The following LINGO2 variants were observed in gnomAD, a reference collection of about 807,000 sequenced individuals.
LINGO2 encodes leucine-rich repeat and immunoglobulin-like domain-containing nogo receptor-interacting protein 2.
A neutral mutation model predicts 30.6 loss-of-function variants in LINGO2; 14 were observed. That is an observed-to-expected ratio of 0.46 (90% CI 0.30 to 0.72). The LOEUF (loss-of-function observed/expected upper bound fraction) is 0.72. Among genes scored for constraint, LINGO2 ranks in the 30% least tolerant of loss-of-function variants. The pLI, the probability that LINGO2 is intolerant of heterozygous loss-of-function variation, is 0.07. For synonymous variants in LINGO2, 317 were observed against 288.5 expected (o/e 1.10, Z -1.00); for missense variants, 729 against 751.7 (o/e 0.97, Z 0.35).
intron 4 of LINGO2, among the ~76,000 whole-genome samples, chr9:28,285,714 C>A (rs1823484115): frequency 6.6e-6 from 1 of 152,070 alleles, no homozygotes; most frequent in Admixed American, 6.5e-5. Flanking sequence ...TGCCCAAGAT[C>A]ATTAATTAGT....
Position 28,360,189 on chromosome 9 carries a change from A to T in LINGO2, c.-246+12647T>A, listed in dbSNP as rs559801979. On this transcript the variant is annotated intron_variant, in intron 3 of 5. Transcript: ENST00000379992. ...CATATAATGTATTATTTTATTAAGT[A>T]AGGCAGTGTTTTTGTTAAAATGAGA... Among the ~76,000 whole-genome samples, 23 of 152,330 alleles carry T rather than the reference A, an allele frequency of 1.5e-4. No homozygotes were observed. In the South Asian group the frequency reaches 4.3e-3, roughly 29 times the overall value.
chr9:28,450,135 C>T (rs559091776), intron 2 of LINGO2, among the ~76,000 whole-genome samples: 5 of 152,084 alleles, frequency 3.3e-5, no homozygotes, highest in South Asian at 4.1e-4. Flanking sequence ...ACACTTTGAA[C>T]ATTGTTCTTT....
intron 4 of LINGO2, among the ~76,000 whole-genome samples, chr9:28,282,052 A>G: frequency 6.6e-6 from 1 of 152,160 alleles, no homozygotes; most frequent in Non-Finnish European, 1.5e-5. Flanking sequence ...AATCTCACAA[A>G]GCATGCCAGA....
At chr9:27,976,325 A>G (rs1820593001) in intron 5 of LINGO2, among the ~76,000 whole-genome samples, 1 of 151,964 alleles carries the variant, frequency 6.6e-6, no homozygotes, top group African/African-American at 2.4e-5. Flanking sequence ...GGGGCCCCCA[A>G]AATCTGTGTT....
chr9:28,224,310 C>T (rs957726486), intron 4 of LINGO2, among the ~76,000 whole-genome samples: 4 of 152,136 alleles, frequency 2.6e-5, no homozygotes, highest in Admixed American at 6.5e-5. Flanking sequence ...GTGATTTGCC[C>T]GCCTCGGCCT....
At chr9:28,199,321 A>ATCTTCT (rs547009763) in intron 4 of LINGO2, among the ~76,000 whole-genome samples, 2,066 of 138,796 alleles carry the variant, frequency 0.015, 113 homozygotes, top group Non-Finnish European at 0.018. Flanking sequence ...ACTACGGGCT[A>ATCTTCT]TCTTCTTCTT....
At chr9:28,954,433 T>C in the LINGO2 span, among the ~76,000 whole-genome samples, 2 of 152,122 alleles carry the variant, frequency 1.3e-5, no homozygotes, top group African/African-American at 4.8e-5. Context: ...AAATAATGCA[T>C]ACTACTTCAT....
chr9:28,884,494 A>T, the LINGO2 span, among the ~76,000 whole-genome samples: 1 of 152,078 alleles, frequency 6.6e-6, no homozygotes, highest in African/African-American at 2.4e-5. Flanking sequence ...AAATGTAAAA[A>T]ATAATTATCT....
At chr9:29,155,491 G>A in the LINGO2 span, among the ~76,000 whole-genome samples, 1 of 150,656 alleles carries the variant, frequency 6.6e-6, no homozygotes, top group African/African-American at 2.4e-5. Flanking sequence ...TCAGAGTTTA[G>A]CAGAAATAAA....
chr9:29,006,811 C>T, the LINGO2 span, among the ~76,000 whole-genome samples: 12 of 151,962 alleles, frequency 7.9e-5, no homozygotes, highest in African/African-American at 1.4e-4. Flanking sequence ...GCTAAGTGAA[C>T]GAAAAATCTC....
At chr9:28,734,214 A>T in the LINGO2 span, among the ~76,000 whole-genome samples, 1 of 152,204 alleles carries the variant, frequency 6.6e-6, no homozygotes, top group Non-Finnish European at 1.5e-5. Flanking sequence ...ATACCACGAC[A>T]GTCAAGCTGA....
chr9:28,890,021 T>C, the LINGO2 span, among the ~76,000 whole-genome samples: 7 of 152,176 alleles, frequency 4.6e-5, no homozygotes, highest in Non-Finnish European at 7.4e-5. Context: ...TCCATAAAGG[T>C]TCCCAGCTGG....
chr9:28,213,007 C>T (rs1174802367), intron 4 of LINGO2, among the ~76,000 whole-genome samples: 2 of 151,538 alleles, frequency 1.3e-5, no homozygotes, highest in Non-Finnish European at 1.5e-5. Context: ...ACCAAATATA[C>T]AGAGAACTAA....
chr9:28,688,985 C>T, the LINGO2 span, among the ~76,000 whole-genome samples: 2 of 152,260 alleles, frequency 1.3e-5, no homozygotes, highest in Non-Finnish European at 2.9e-5. Flanking sequence ...TTGCAAAATC[C>T]GTTTCCCTTG....
chr9:28,829,395 C>G, the LINGO2 span, among the ~76,000 whole-genome samples: 1 of 152,186 alleles, frequency 6.6e-6, no homozygotes, highest in East Asian at 1.9e-4. Flanking sequence ...CACTGATCCT[C>G]TGCCCTCGCA....
intron 1 of LINGO2, among the ~76,000 whole-genome samples, chr9:28,585,150 G>GT (rs1292615966): frequency 2.6e-5 from 4 of 151,950 alleles, no homozygotes; most frequent in Non-Finnish European, 4.4e-5. Context: ...TGACAATAGT[G>GT]TTTTTTATTA....
chr9:27,977,522 C>T (rs1243660981), intron 5 of LINGO2, among the ~76,000 whole-genome samples: 1 of 151,908 alleles, frequency 6.6e-6, no homozygotes, highest in East Asian at 1.9e-4. Flanking sequence ...ATAATCTATT[C>T]AGAAGCATCT....
chr9:28,370,311 T>G (rs1159187422), intron 3 of LINGO2, among the ~76,000 whole-genome samples: 1 of 152,168 alleles, frequency 6.6e-6, no homozygotes, highest in East Asian at 1.9e-4. Context: ...AAGTGATTTC[T>G]TTTGACCACC....
chr9:29,131,106 T>C, the LINGO2 span, among the ~76,000 whole-genome samples: 1 of 152,208 alleles, frequency 6.6e-6, no homozygotes, highest in South Asian at 2.1e-4. Context: ...AATTGCTTTA[T>C]TCTAAATGGA....
Sources: allele counts gnomAD v4.1 joint callset (sites outside exome capture counted in the v4.1 genomes callset), GRCh38; gene constraint gnomAD v4.1.1; transcripts MANE v1.5; gene names NCBI Gene and HGNC (gene_info 2026-07-23, HGNC 2026-07-21).